VPS45: variants seen among roughly 807,000 people sequenced by gnomAD.
VPS45 encodes the protein vacuolar protein sorting-associated protein 45.
VPS45 carries 35 observed loss-of-function variants against 75.9 expected under a neutral mutation model. The observed-to-expected ratio is 0.46, with a 90% CI of 0.35 to 0.61. VPS45 has a LOEUF of 0.61. VPS45 is among the 20% of genes least tolerant of loss of function. The pLI, the probability that VPS45 is intolerant of heterozygous loss-of-function variation, is 0.00. For missense variants in VPS45, 559 were observed against 685.9 expected (o/e 0.81, Z 2.07); for synonymous variants, 220 against 238.2 (o/e 0.92, Z 0.70).
intron 1 of VPS45, chr1:150,068,410 C>A (rs1654846282): frequency 1.2e-5 from 5 of 418,886 alleles, no homozygotes; most frequent in Non-Finnish European, 2.1e-5. Flanking sequence ...TTCAAAGAGA[C>A]CATGTTTTTT....
intron 14 of VPS45, among the ~76,000 whole-genome samples, chr1:150,141,282 C>T (rs1282864452): frequency 6.6e-6 from 1 of 152,078 alleles, no homozygotes; most frequent in African/African-American, 2.4e-5. Context: ...ATTATTATAA[C>T]ACTATTCAGG....
intron 10 of VPS45, among the ~76,000 whole-genome samples, chr1:150,090,903 G>A (rs139828065): frequency 4.9e-4 from 74 of 152,292 alleles, no homozygotes; most frequent in African/African-American, 1.6e-3. Flanking sequence ...AGTGGAAAGT[G>A]CAACAGTTCT....
intron 4 of VPS45, 96 bp from the exon 5 acceptor site, chr1:150,076,820 A>G (rs1655411705): frequency 7.2e-7 from 1 of 1,387,306 alleles, no homozygotes; most frequent in Non-Finnish European, 1.0e-6. Context: ...GTATTTCACA[A>G]AGTTTGGCTA....
intron 3 of VPS45, among the ~76,000 whole-genome samples, chr1:150,074,008 T>C (rs1301315515): frequency 9.5e-3 from 18 of 1,894 alleles, no homozygotes; most frequent in African/African-American, 0.015. Flanking sequence ...TGTGTGTGTG[T>C]TGTTTTTGTT....
intron 13 of VPS45, chr1:150,109,467 A>C (rs1657519399): frequency 6.9e-6 from 1 of 145,106 alleles, no homozygotes; most frequent in South Asian, 2.1e-4. Context: ...TATTTTAGAA[A>C]GAGAGAGAGA....
chr1:150,100,683 T>G (rs1029283678), intron 13 of VPS45, among the ~76,000 whole-genome samples: 1 of 152,118 alleles, frequency 6.6e-6, no homozygotes, highest in Non-Finnish European at 1.5e-5. Context: ...AGGCCTCACA[T>G]CTATGACCAT....
At chr1:150,076,876 G>A (rs1553798190) in intron 4 of VPS45, 40 bp from the exon 5 acceptor site, 1 of 1,607,064 alleles carries the variant, frequency 6.2e-7, no homozygotes, top group Admixed American at 1.7e-5. Flanking sequence ...TGATACAATT[G>A]AAGTTTATGG....
chr1:150,123,245 ATG>A (rs1553810058), intron 14 of VPS45, among the ~76,000 whole-genome samples: 11 of 152,132 alleles, frequency 7.2e-5, no homozygotes, highest in Non-Finnish European at 1.6e-4. Flanking sequence ...TGCATGTGCC[ATG>A]TTTTATTTAT....
chr1:150,103,881 G>T (rs1408004745), intron 13 of VPS45, among the ~76,000 whole-genome samples: 2 of 152,102 alleles, frequency 1.3e-5, no homozygotes, highest in African/African-American at 4.8e-5. Context: ...TAGTCACCAA[G>T]ATGGTCACTG....
intron 14 of VPS45, among the ~76,000 whole-genome samples, chr1:150,123,127 C>A (rs1324770501): frequency 3.9e-5 from 6 of 151,926 alleles, no homozygotes; most frequent in African/African-American, 1.5e-4. Flanking sequence ...AATATGTATT[C>A]TTTTGTGACT....
In VPS45 at chr1:150,067,788, A is replaced by G. The variant is rs1654804282; in HGVS notation, c.-70A>G. On this transcript the variant is annotated 5_prime_UTR_variant, in exon 1 of 15. Transcript: ENST00000644510. The stretch of plus-strand genomic sequence containing the variant: ...GGAGGAAGCAGCTGAGACCCGGCCA[A>G]CAGACTGGGGGTTAATTTAGCCAGA... 9 of 1,522,152 alleles carry G rather than the reference A, an allele frequency of 5.9e-6. No individual in the cohort carries two copies. Among genetic ancestry groups the G allele is most frequent in the Admixed American group, 5.2e-5 (3 of 57,708 alleles). The allele number at this position is 1,522,152 out of a possible 1,614,324, so 94.3% of individuals were successfully genotyped here.
intron 14 of VPS45, among the ~76,000 whole-genome samples, chr1:150,143,160 C>G (rs1553815747): frequency 6.6e-6 from 1 of 152,086 alleles, no homozygotes; most frequent in Non-Finnish European, 1.5e-5. Context: ...AAAGTAATAA[C>G]AGTAATTAGT....
chr1:150,131,120 T>G (rs1284666584), intron 14 of VPS45, among the ~76,000 whole-genome samples: 1 of 152,154 alleles, frequency 6.6e-6, no homozygotes, highest in Non-Finnish European at 1.5e-5. Flanking sequence ...CAGAAAAATT[T>G]TATTATACCT....
intron 13 of VPS45, among the ~76,000 whole-genome samples, chr1:150,105,247 T>C (rs1285074537): frequency 6.6e-6 from 1 of 152,160 alleles, no homozygotes; most frequent in Non-Finnish European, 1.5e-5. Context: ...ACTGGTCCTA[T>C]TCAACATACT....
chr1:150,069,415 C>A (rs2101481034), intron 2 of VPS45, among the ~76,000 whole-genome samples: 1 of 150,928 alleles, frequency 6.6e-6, no homozygotes, highest in East Asian at 1.9e-4. Context: ...TAGCTTGAGT[C>A]TCTCCTTTAA....
chr1:150,094,560 T>G (rs1166960447), intron 13 of VPS45, among the ~76,000 whole-genome samples: 2 of 151,982 alleles, frequency 1.3e-5, no homozygotes, highest in Non-Finnish European at 2.9e-5. Context: ...AAAAATCATC[T>G]TTTAAAAGTC....
chr1:150,140,386 GGTGTGTGTGTGTGTGTGT>G (rs574312693), intron 14 of VPS45, among the ~76,000 whole-genome samples: 17 of 140,432 alleles, frequency 1.2e-4, no homozygotes, highest in East Asian at 6.2e-4. Flanking sequence ...CATCACTTCT[GGTGTGTGTGTGTGTGTGT>G]GTGTGTGTGT....
chr1:150,128,898 C>G (rs1189040475), intron 14 of VPS45, among the ~76,000 whole-genome samples: 1 of 152,118 alleles, frequency 6.6e-6, no homozygotes, highest in African/African-American at 2.4e-5. Context: ...TGCCACCACG[C>G]CTGGCTAATT....
intron 13 of VPS45, among the ~76,000 whole-genome samples, chr1:150,100,977 T>C (rs1392811691): frequency 2.6e-5 from 4 of 152,142 alleles, no homozygotes; most frequent in Non-Finnish European, 4.4e-5. Flanking sequence ...ATCCAGCATC[T>C]ATAAAGAACT....
Sources: gnomAD v4.1 joint callset for allele counts (sites outside exome capture counted in the v4.1 genomes callset) on GRCh38, gnomAD v4.1.1 for gene constraint, MANE v1.5 for transcripts, NCBI Gene and HGNC (gene_info 2026-07-23, HGNC 2026-07-21) for gene names.